Variants in ZNF362 observed in about 807,000 individuals in gnomAD.
The protein encoded by ZNF362 is rotund homolog.
ZNF362 carries 11 observed loss-of-function variants against 42.9 expected under a neutral mutation model. That is an observed-to-expected ratio of 0.26 (90% CI 0.16 to 0.42). The LOEUF (loss-of-function observed/expected upper bound fraction) is 0.42. Among genes scored for constraint, ZNF362 ranks in the 20% least tolerant of loss-of-function variants. The pLI is 1.00. For synonymous variants in ZNF362, 255 were observed against 257.3 expected, an observed-to-expected ratio of 0.99 and a Z score of 0.09; for missense variants, 362 against 576.2, an observed-to-expected ratio of 0.63 and a Z score of 3.81.
chr1:33,182,288 T>G, the ZNF362 span, among the ~76,000 whole-genome samples: 1 of 152,196 alleles, frequency 6.6e-6, no homozygotes, highest in Admixed American at 6.5e-5. Flanking sequence ...GAGCAGCTAA[T>G]TTGAGAGCAC....
chr1:33,181,149 G>C, the ZNF362 span: 1 of 1,599,756 alleles, frequency 6.3e-7, no homozygotes, highest in Non-Finnish European at 8.5e-7. This position sits in a 1 kb window ranked among gnomAD's most constrained non-coding sequence, Gnocchi z 6.5. Flanking sequence ...CTTGTCGTGC[G>C]CCTGGCAGGG....
chr1:33,166,790 G>A, the ZNF362 span, among the ~76,000 whole-genome samples: 213 of 152,270 alleles, frequency 1.4e-3, 1 homozygote, highest in Admixed American at 3.7e-3. Flanking sequence ...AACACAATCA[G>A]CCTCACTGAT....
At chr1:33,242,336 G>A in the ZNF362 span, among the ~76,000 whole-genome samples, 72 of 152,302 alleles carry the variant, frequency 4.7e-4, no homozygotes, top group African/African-American at 1.7e-3. Flanking sequence ...TGGTGTCACA[G>A]AAATCAAGGG....
At chr1:33,222,801 T>C in the ZNF362 span, among the ~76,000 whole-genome samples, 1 of 152,218 alleles carries the variant, frequency 6.6e-6, no homozygotes, top group African/African-American at 2.4e-5. Flanking sequence ...AGTACCCTAG[T>C]GATGTGGTTT....
At chr1:33,206,856 T>C in the ZNF362 span, among the ~76,000 whole-genome samples, 1 of 152,150 alleles carries the variant, frequency 6.6e-6, no homozygotes, top group East Asian at 1.9e-4. Context: ...ATTAAGGAGA[T>C]GCAAATTAAA....
the ZNF362 span, among the ~76,000 whole-genome samples, chr1:33,139,144 A>G: frequency 2.6e-5 from 4 of 152,182 alleles, no homozygotes; most frequent in Admixed American, 6.5e-5. Context: ...AAGCAAACAA[A>G]TAACTTTCCT....
In ZNF362 at chr1:33,299,258, C is replaced by G. The variant is rs1646147936; in HGVS notation, c.*212C>G. On this transcript the variant is annotated 3_prime_UTR_variant, in exon 9 of 9. Transcript: ENST00000539719. The stretch of plus-strand genomic sequence containing the variant: ...AGATTCTGGACTGTTTTGGTGGCAT[C>G]CAAAGACGATCTCAGAGCACTTTGA... The G allele has an allele frequency of 7.9e-6, 4 of 503,910 alleles. No individual in the cohort carries two copies. The highest frequency in any genetic ancestry group is 1.4e-5 in the Non-Finnish European group (4 of 278,278). The allele number at this position is 503,910 out of a possible 1,614,324, so 31.2% of individuals were successfully genotyped here. A position where few individuals can be genotyped will look rare whatever the true frequency, so the allele number is the denominator to read the frequency against.
the ZNF362 span, among the ~76,000 whole-genome samples, chr1:33,173,009 C>A: frequency 1.3e-5 from 2 of 152,196 alleles, no homozygotes. Flanking sequence ...CTCCTCTTCT[C>A]CATGTCTGGG....
the ZNF362 span, among the ~76,000 whole-genome samples, chr1:33,228,874 T>A: frequency 6.6e-6 from 1 of 152,162 alleles, no homozygotes; most frequent in Non-Finnish European, 1.5e-5. Flanking sequence ...TGCCTCAGAA[T>A]AAGAGTCTAA....
the ZNF362 span, among the ~76,000 whole-genome samples, chr1:33,231,366 T>C: frequency 6.6e-6 from 1 of 151,976 alleles, no homozygotes; most frequent in East Asian, 1.9e-4. Flanking sequence ...ATCTCATTTG[T>C]TTTTTCTACT....
chr1:33,219,156 C>T, the ZNF362 span, among the ~76,000 whole-genome samples: 2 of 152,200 alleles, frequency 1.3e-5, no homozygotes, highest in Non-Finnish European at 2.9e-5. Flanking sequence ...AAATCCAACT[C>T]TGTCATCTCC....
In ZNF362 at chr1:33,276,489, G is replaced by A. The variant is rs759653568; in HGVS notation, c.244G>A (p.Val82Ile). ...PPAPAESSQAVMSLPKLQQVP... is the reference protein window; with the variant it reads ...PPAPAESSQAIMSLPKLQQVP... ...GGCACCCGCCGAGAGCAGCCAGGCC[G>A]TCATGTCGCTGCCCAAGCTGCAGCA... The change falls in exon 4 of 9, where the codon GTC becomes ATC. Residue 82 changes from valine (V) to isoleucine (I), a missense_variant. Transcript: ENST00000539719. The A allele has an allele frequency of 1.0e-4, 158 of 1,585,376 alleles. No homozygotes were observed. The highest frequency in any genetic ancestry group is 1.2e-4 in the Non-Finnish European group (141 of 1,169,672).
At chr1:33,176,618 G>A in the ZNF362 span, 74 of 509,608 alleles carry the variant, frequency 1.5e-4, no homozygotes, top group African/African-American at 6.6e-4. Context: ...CCCTCGGGGC[G>A]TCAGCTGGCA....
the ZNF362 span, among the ~76,000 whole-genome samples, chr1:33,250,841 A>AAGAAAGAAG: frequency 7.6e-5 from 10 of 132,150 alleles, no homozygotes; most frequent in South Asian, 7.5e-4. Context: ...AGAAGAAGAA[A>AAGAAAGAAG]GAAGAAAGAA....
chr1:33,279,348 G>A (rs900745088), intron 4 of ZNF362, among the ~76,000 whole-genome samples: 3 of 152,078 alleles, frequency 2.0e-5, no homozygotes, highest in Admixed American at 2.0e-4. Flanking sequence ...AATGGCTGTT[G>A]CCAGACTACC....
At chr1:33,147,536 CCACCACCTCCCAGTAGTGGA>C in the ZNF362 span, 3 of 1,613,970 alleles carry the variant, frequency 1.9e-6, no homozygotes. The surrounding 1 kb of genome is among the most constrained non-coding windows in gnomAD (Gnocchi z 8.1). Flanking sequence ...TTCTCCGCCA[CCACCACCTCCCAGTAGTGGA>C]CGCCACTACT....
At chr1:33,147,894 G>A in the ZNF362 span, among the ~76,000 whole-genome samples, 1 of 152,178 alleles carries the variant, frequency 6.6e-6, no homozygotes, top group South Asian at 2.1e-4. This position sits in a 1 kb window ranked among gnomAD's most constrained non-coding sequence, Gnocchi z 8.1. Flanking sequence ...TTCCTCCTCT[G>A]TAGAATGGAA....
chr1:33,149,264 T>C, the ZNF362 span, among the ~76,000 whole-genome samples: 1 of 152,242 alleles, frequency 6.6e-6, no homozygotes, highest in Non-Finnish European at 1.5e-5. Context: ...GTGATTCTCA[T>C]GCCTCAGCCT....
intron 1 of ZNF362, among the ~76,000 whole-genome samples, chr1:33,257,559 G>A (rs1187010009): frequency 6.6e-6 from 1 of 152,048 alleles, no homozygotes; most frequent in Non-Finnish European, 1.5e-5. Flanking sequence ...CGCGGGATGG[G>A]GGTGGGGGGG....
Sources: allele counts gnomAD v4.1 joint callset (sites outside exome capture counted in the v4.1 genomes callset), GRCh38; gene constraint gnomAD v4.1.1; non-coding constraint Gnocchi (gnomAD v3.1); transcripts MANE v1.5; gene names NCBI Gene and HGNC (gene_info 2026-07-23, HGNC 2026-07-21).